CDKAL1: variants seen among roughly 807,000 people sequenced by gnomAD.
CDKAL1 encodes the protein threonylcarbamoyladenosine tRNA methylthiotransferase.
Under a neutral mutation model 68.2 loss-of-function variants are expected in CDKAL1, and 32 were observed. The ratio of observed to expected loss-of-function variants is 0.47; its 90% CI spans 0.35 to 0.63. The LOEUF (loss-of-function observed/expected upper bound fraction) is 0.63, where lower values mean the gene tolerates loss of function less well. CDKAL1 is among the 30% of genes least tolerant of loss of function. CDKAL1 has a pLI of 0.00. For synonymous variants in CDKAL1, 234 were observed against 244.3 expected, an observed-to-expected ratio of 0.96 and a Z score of 0.39; for missense variants, 606 against 696.7, an observed-to-expected ratio of 0.87 and a Z score of 1.47.
intron 9 of CDKAL1, among the ~76,000 whole-genome samples, chr6:20,867,419 C>T (rs1224925348): frequency 2.0e-5 from 3 of 152,272 alleles, no homozygotes; most frequent in East Asian, 3.9e-4. Flanking sequence ...AAGTGTGATT[C>T]ACACCAGCAT....
rs145894251 is a variant in CDKAL1 at position 21,191,992 on chromosome 6, C to CTTTTTTTTTTT, written c.1300-5999_1300-5989dup. On this transcript the variant is annotated intron_variant, in intron 13 of 15. Coordinates refer to ENST00000274695, the MANE Select transcript of CDKAL1 (RefSeq NM_017774.3). ...AGGAATATTTTTATAATTCATTTTT[C>CTTTTTTTTTTT]TTTTTTTTTTTTTTTTTTTTTTTTT... is the stretch of plus-strand genomic sequence containing the variant. Among the ~76,000 whole-genome samples, 54 of 34,534 alleles carry CTTTTTTTTTTT rather than the reference C, an allele frequency of 1.6e-3. 22 individuals carry two copies. The highest frequency in any genetic ancestry group is 2.7e-3 in the South Asian group (2 of 730). 22.7% of individuals were successfully genotyped at this position (34,534 alleles called of 152,430 possible).
chr6:20,648,147 A>G lies in CDKAL1; in HGVS notation c.287-1146A>G, dbSNP rs145619570. Among the ~76,000 whole-genome samples the G allele has an allele frequency of 2.4e-3, 335 of 138,350 alleles. 2 individuals are homozygous for G. Among genetic ancestry groups the G allele is most frequent in the African/African-American group, 7.5e-3 (278 of 37,012 alleles). 90.8% of individuals were successfully genotyped at this position (138,350 alleles called of 152,430 possible). The stretch of plus-strand genomic sequence containing the variant: ...GGGGGAATTTTTTTTTTTTTTTTAG[A>G]TGGAGTCTTGCTCCATCGCACAGGC... On this transcript the variant is annotated intron_variant, in intron 4 of 15. Coordinates refer to ENST00000274695, the MANE Select transcript of CDKAL1 (RefSeq NM_017774.3).
In CDKAL1 at chr6:20,859,517, A is replaced by G. The variant is rs117563799; in HGVS notation, c.742+13339A>G. ...GAAGCCTACAGAGAGGTGACTCCCC[A>G]AGCTGCTGTCACCCAATGCCAGTTC... On this transcript the variant is annotated intron_variant, in intron 9 of 15. Transcript: ENST00000274695. Among the ~76,000 whole-genome samples the G allele has an allele frequency of 2.6e-4, 40 of 152,330 alleles. No individual in the cohort carries two copies. In the East Asian group the frequency reaches 7.5e-3, roughly 29 times the overall value.
chr6:20,991,831 C>T lies in CDKAL1; in HGVS notation c.910-8396C>T, dbSNP rs146222890. Among the ~76,000 whole-genome samples the T allele has an allele frequency of 4.8e-5, 7 of 145,450 alleles. No homozygotes were observed. The East Asian group carries it at 1.4e-3, about 29-fold the overall frequency. On this transcript the variant is annotated intron_variant, in intron 10 of 15. Coordinates refer to ENST00000274695, the MANE Select transcript of CDKAL1 (RefSeq NM_017774.3). ...AGGGGTTTGAGTCTAGCCTGGGCAA[C>T]ATAGCGAGACCCTGTCTCTTTAAAA...
At chr6:21,088,145 A>G (rs1352345464) in intron 12 of CDKAL1, among the ~76,000 whole-genome samples, 3 of 152,152 alleles carry the variant, frequency 2.0e-5, no homozygotes, top group Non-Finnish European at 4.4e-5. Context: ...GTCCCTATCA[A>G]TGGGAACAAC....
chr6:20,648,083 A>G (rs1326409979), intron 4 of CDKAL1, among the ~76,000 whole-genome samples: 2 of 151,348 alleles, frequency 1.3e-5, no homozygotes, highest in African/African-American at 2.4e-5. Flanking sequence ...TCAAAAAAAA[A>G]AAAAATATTT....
intron 4 of CDKAL1, among the ~76,000 whole-genome samples, chr6:20,577,688 A>G (rs2127685522): frequency 6.6e-6 from 1 of 152,364 alleles, no homozygotes; most frequent in Admixed American, 6.5e-5. Context: ...TTCCTTGTCT[A>G]GCCCATAGTT....
At chr6:20,595,802 G>A (rs559115658) in intron 4 of CDKAL1, among the ~76,000 whole-genome samples, 23 of 152,076 alleles carry the variant, frequency 1.5e-4, no homozygotes, top group African/African-American at 5.3e-4. Context: ...CCTCATCTTC[G>A]TGGATTCATC....
chr6:20,741,207 C>T (rs1561736027), intron 6 of CDKAL1, among the ~76,000 whole-genome samples: 2 of 151,998 alleles, frequency 1.3e-5, no homozygotes, highest in Non-Finnish European at 2.9e-5. Flanking sequence ...GCCAATGTCA[C>T]AGCTTTGTGT....
At chr6:21,164,350 C>G (rs1295900018) in intron 13 of CDKAL1, among the ~76,000 whole-genome samples, 1 of 151,860 alleles carries the variant, frequency 6.6e-6, no homozygotes, top group Non-Finnish European at 1.5e-5. Context: ...AAACTGGGAC[C>G]TAGATTTAGC....
intron 5 of CDKAL1, among the ~76,000 whole-genome samples, chr6:20,736,852 C>T (rs963511804): frequency 1.3e-5 from 2 of 152,150 alleles, no homozygotes; most frequent in African/African-American, 4.8e-5. Flanking sequence ...TTCCTCACCT[C>T]CTGGCTTCTT....
At chr6:20,836,416 T>A (rs1164536402) in intron 8 of CDKAL1, among the ~76,000 whole-genome samples, 1 of 152,216 alleles carries the variant, frequency 6.6e-6, no homozygotes, top group Non-Finnish European at 1.5e-5. Context: ...GGCATTACAG[T>A]TGAAAAGAAT....
chr6:20,895,121 C>T (rs1238113442), intron 9 of CDKAL1, among the ~76,000 whole-genome samples: 5 of 152,030 alleles, frequency 3.3e-5, no homozygotes, highest in African/African-American at 4.8e-5. Context: ...TGGTTTTATA[C>T]TCTCAAATAT....
intron 9 of CDKAL1, among the ~76,000 whole-genome samples, chr6:20,951,022 G>A (rs1227082745): frequency 6.6e-6 from 1 of 151,566 alleles, no homozygotes; most frequent in Non-Finnish European, 1.5e-5. Flanking sequence ...AGCACACACC[G>A]GGTAGTGGGA....
intron 4 of CDKAL1, among the ~76,000 whole-genome samples, chr6:20,575,341 G>C (rs1764864292): frequency 6.7e-6 from 1 of 149,042 alleles, no homozygotes; most frequent in Non-Finnish European, 1.5e-5. Context: ...TCTTTTGTTT[G>C]CACAAAAAAC....
At chr6:20,742,052 T>C (rs932427252) in intron 6 of CDKAL1, among the ~76,000 whole-genome samples, 2 of 152,216 alleles carry the variant, frequency 1.3e-5, no homozygotes, top group Admixed American at 1.3e-4. Context: ...TTCATTTCTC[T>C]AACAATCAGT....
intron 11 of CDKAL1, among the ~76,000 whole-genome samples, chr6:21,064,805 A>G (rs1771340121): frequency 1.3e-5 from 2 of 152,220 alleles, no homozygotes; most frequent in African/African-American, 4.8e-5. Context: ...CTATTTTTAA[A>G]TATAGAGGAA....
chr6:20,958,440 A>G (rs1764894911), intron 10 of CDKAL1, among the ~76,000 whole-genome samples: 2 of 152,192 alleles, frequency 1.3e-5, no homozygotes, highest in East Asian at 3.8e-4. Context: ...TCCCAGTGTC[A>G]AAACGGGCAG....
chr6:20,650,582 C>T (rs1768714130), intron 5 of CDKAL1, among the ~76,000 whole-genome samples: 1 of 152,076 alleles, frequency 6.6e-6, no homozygotes, highest in Admixed American at 6.6e-5. Flanking sequence ...TCAATTTTTG[C>T]TTTTGTCGAA....
Sources: gnomAD v4.1 joint callset for allele counts (sites outside exome capture counted in the v4.1 genomes callset) on GRCh38, gnomAD v4.1.1 for gene constraint, MANE v1.5 for transcripts, NCBI Gene and HGNC (gene_info 2026-07-23, HGNC 2026-07-21) for gene names.